Variants in SOBP observed in about 807,000 individuals in gnomAD.
SOBP encodes the protein sine oculis-binding protein homolog.
Under a neutral mutation model 53.6 loss-of-function variants are expected in SOBP, and 4 were observed. That is an observed-to-expected ratio of 0.07 (90% CI 0.04 to 0.17). The LOEUF (loss-of-function observed/expected upper bound fraction) is 0.17. SOBP is among the 10% of genes least tolerant of loss of function. SOBP has a pLI of 1.00. For missense variants in SOBP, 1,088 were observed against 1,204.7 expected, an observed-to-expected ratio of 0.90 and a Z score of 1.43; for synonymous variants, 584 against 522.6, an observed-to-expected ratio of 1.12 and a Z score of -1.60.
At chr6:107,643,147 A>G (rs1771402553) in intron 6 of SOBP, among the ~76,000 whole-genome samples, 1 of 152,214 alleles carries the variant, frequency 6.6e-6, no homozygotes, top group African/African-American at 2.4e-5. Context: ...TTGTTTTAGA[A>G]ATTCAGACTG....
At chr6:107,507,485 T>C (rs1783030218) in intron 3 of SOBP, among the ~76,000 whole-genome samples, 1 of 152,066 alleles carries the variant, frequency 6.6e-6, no homozygotes, top group African/African-American at 2.4e-5. Context: ...TTTGTATTTT[T>C]AGTAGAGACA....
chr6:107,605,245 AAAG>A (rs1457259780), intron 5 of SOBP, among the ~76,000 whole-genome samples: 1 of 152,196 alleles, frequency 6.6e-6, no homozygotes, highest in Non-Finnish European at 1.5e-5. Context: ...AGAGCAAGTC[AAAG>A]GAGGGCTGAC....
In SOBP at chr6:107,635,433, G is replaced by A; in HGVS notation, c.2589G>A (p.Arg863=). ...AGGACCTGGAGCCGCCGCTCAAAAG[G>A]AGGTGCCTCCGAATTAGAAATCAGA... ...GPEDLEPPLK[R]RCLRIRNQNK The change falls in exon 6 of 7, where the codon AGG becomes AGA. Residue 863 remains arginine, a synonymous_variant. Transcript: ENST00000317357. This position sits in a 1 kb window ranked among gnomAD's most constrained non-coding sequence, Gnocchi z 4.5. 3 of 1,613,590 alleles carry A rather than the reference G, an allele frequency of 1.9e-6. No individual in the cohort carries two copies. The highest frequency in any genetic ancestry group is 2.5e-6 in the Non-Finnish European group (3 of 1,180,024).
At chr6:107,505,826 T>G (rs1470260909) in intron 2 of SOBP, among the ~76,000 whole-genome samples, 2 of 152,044 alleles carry the variant, frequency 1.3e-5, no homozygotes, top group East Asian at 3.9e-4. Flanking sequence ...AAGTTTTGTA[T>G]TTTTAGTAGA....
intron 6 of SOBP, among the ~76,000 whole-genome samples, chr6:107,651,460 G>C (rs979948426): frequency 6.6e-6 from 1 of 152,264 alleles, no homozygotes. Context: ...GAGAGGGGAG[G>C]AAGCTGCAGA....
At chr6:107,505,625 C>G (rs963386698) in intron 2 of SOBP, among the ~76,000 whole-genome samples, 3 of 150,878 alleles carry the variant, frequency 2.0e-5, no homozygotes, top group Non-Finnish European at 3.0e-5. Context: ...GCCTAGTCAC[C>G]TCTCAGTTTT....
In SOBP at chr6:107,660,738, T is replaced by C. The variant is rs1562134867; in HGVS notation, c.*2535T>C. ...TAAATCTAGTTCAGTTCTCTTGTTC[T>C]ACATATGAAAAAACAGAAGCCTAGA... On this transcript the variant is annotated 3_prime_UTR_variant, in exon 7 of 7. Coordinates refer to ENST00000317357, the MANE Select transcript of SOBP (RefSeq NM_018013.4). Among the ~76,000 whole-genome samples, 1 of 152,212 alleles carries C rather than the reference T, an allele frequency of 6.6e-6. No homozygotes were observed. Among genetic ancestry groups the C allele is most frequent in the East Asian group, 1.9e-4 (1 of 5,200 alleles).
At chr6:107,586,518 CTT>C (rs5742433) in intron 4 of SOBP, among the ~76,000 whole-genome samples, 46,025 of 145,768 alleles carry the variant, frequency 0.32, 8,747 homozygotes, top group African/African-American at 0.55. Context: ...TAAATTAAAT[CTT>C]TTTTTTTTTT....
chr6:107,566,097 A>G (rs568569234), intron 4 of SOBP, among the ~76,000 whole-genome samples: 3 of 152,368 alleles, frequency 2.0e-5, no homozygotes, highest in Admixed American at 6.5e-5. Context: ...CTGATTTTTT[A>G]TCAAAAATAA....
At chr6:107,536,050 A>G (rs942015856) in intron 4 of SOBP, among the ~76,000 whole-genome samples, 3 of 151,856 alleles carry the variant, frequency 2.0e-5, no homozygotes, top group Admixed American at 6.6e-5. Flanking sequence ...GCTAAATTCT[A>G]CCTTTTTTAA....
At chr6:107,539,495 A>G (rs1217568042) in intron 4 of SOBP, among the ~76,000 whole-genome samples, 1 of 152,152 alleles carries the variant, frequency 6.6e-6, no homozygotes, top group Non-Finnish European at 1.5e-5. Flanking sequence ...GGTGAAGGCT[A>G]ATGCTGTTCA....
rs1276580054 is a variant in SOBP at position 107,635,680 on chromosome 6, CTG to C, written c.*3+212_*3+213del. On this transcript the variant is annotated intron_variant, in intron 6 of 6. Transcript: ENST00000317357. This position sits in a 1 kb window ranked among gnomAD's most constrained non-coding sequence, Gnocchi z 4.5. ...CATTCCCATTTTACAGCCGAGGAAA[CTG>C]AGCCACAGCATGTGAGTGCCAAGCC... is the stretch of plus-strand genomic sequence containing the variant. Among the ~76,000 whole-genome samples the C allele has an allele frequency of 6.6e-6, 1 of 152,206 alleles. No homozygotes were observed. The highest frequency in any genetic ancestry group is 1.5e-5 in the Non-Finnish European group (1 of 68,044).
At chr6:107,524,451 T>C (rs994224329) in intron 3 of SOBP, among the ~76,000 whole-genome samples, 4 of 152,256 alleles carry the variant, frequency 2.6e-5, no homozygotes, top group Non-Finnish European at 5.9e-5. Context: ...ATCTTGTCTA[T>C]GGCAGCCAGC....
chr6:107,649,564 T>C (rs1241662810), intron 6 of SOBP, among the ~76,000 whole-genome samples: 2 of 151,990 alleles, frequency 1.3e-5, no homozygotes, highest in Non-Finnish European at 2.9e-5. Flanking sequence ...GGACCTAGGC[T>C]CTTGTTCAAA....
intron 3 of SOBP, among the ~76,000 whole-genome samples, chr6:107,520,702 G>A (rs1221832601): frequency 1.3e-5 from 2 of 152,144 alleles, no homozygotes; most frequent in African/African-American, 4.8e-5. Flanking sequence ...GGCATTTCTT[G>A]TTATTCTAGG....
At chr6:107,506,097 T>C (rs943234848) in intron 2 of SOBP, 145 bp from the exon 3 acceptor site, 3 of 704,262 alleles carry the variant, frequency 4.3e-6, no homozygotes, top group Non-Finnish European at 7.2e-6. Flanking sequence ...CTGGATGAAC[T>C]GTGGAGTTCT....
chr6:107,517,598 C>G (rs879003274), intron 3 of SOBP, among the ~76,000 whole-genome samples: 1 of 152,164 alleles, frequency 6.6e-6, no homozygotes, highest in Non-Finnish European at 1.5e-5. Flanking sequence ...CACAAACATT[C>G]AGTCTATAAC....
chr6:107,639,558 C>A (rs970058863), intron 6 of SOBP, among the ~76,000 whole-genome samples: 13 of 152,112 alleles, frequency 8.5e-5, no homozygotes, highest in African/African-American at 3.1e-4. Flanking sequence ...GAAAAAATAT[C>A]CCCCCGAATA....
In SOBP at chr6:107,661,004, C is replaced by T. The variant is rs115973478; in HGVS notation, c.*2801C>T. On this transcript the variant is annotated 3_prime_UTR_variant, in exon 7 of 7. Transcript: ENST00000317357. The stretch of plus-strand genomic sequence containing the variant: ...CTGCCGAGGCAAGCCCAGCCAAGGA[C>T]GTGCCAGCGGCCGAGGCACCCGGCT... 5.3e-3 allele frequency among the ~76,000 whole-genome samples: 805 copies of T among 152,276 alleles called. 12 individuals carry two copies. The highest frequency in any genetic ancestry group is 0.018 in the African/African-American group (764 of 41,552).
Sources: allele counts gnomAD v4.1 joint callset (sites outside exome capture counted in the v4.1 genomes callset), GRCh38; gene constraint gnomAD v4.1.1; non-coding constraint Gnocchi (gnomAD v3.1); transcripts MANE v1.5; gene names NCBI Gene and HGNC (gene_info 2026-07-23, HGNC 2026-07-21).